KCNF1: variants seen among roughly 807,000 people sequenced by gnomAD.
The protein encoded by KCNF1 is potassium voltage-gated channel modifier subfamily F member 1.
In KCNF1, 9 loss-of-function variants were observed where a neutral mutation model predicts 28.6. The observed-to-expected ratio is 0.31, with a 90% confidence interval of 0.19 to 0.55. The LOEUF (loss-of-function observed/expected upper bound fraction) is 0.55. Among genes scored for constraint, KCNF1 ranks in the 20% least tolerant of loss-of-function variants. The probability of loss-of-function intolerance (pLI) is 0.93; values close to 1 mark genes in which losing one functional copy is unlikely to be tolerated. For missense variants in KCNF1, 461 were observed against 684.2 expected, an observed-to-expected ratio of 0.67 and a Z score of 3.64; for synonymous variants, 328 against 299.6, an observed-to-expected ratio of 1.09 and a Z score of -0.98.
Position 10,913,848 on chromosome 2 carries a change from CA to C in KCNF1, c.1423del (p.Thr475ProfsTer6). The part of the protein sequence containing the change: ...SSRLKLSHSD[T>X]FIPLLTEEKH... ...GCCGGCTGAAGCTCTCCCACAGCGA[CA>C]CCTTCATCCCCCTCCTGACCGAGGA... On this transcript the variant is annotated frameshift_variant, in exon 1 of 1. Transcript: ENST00000295082. LOFTEE classifies it high-confidence loss of function. This position sits in a 1 kb window ranked among gnomAD's most constrained non-coding sequence, Gnocchi z 5.5. The C allele has an allele frequency of 6.5e-7, 1 of 1,542,094 alleles. No homozygotes were observed. Among genetic ancestry groups the C allele is most frequent in the Non-Finnish European group, 8.7e-7 (1 of 1,145,494 alleles).
At position 10,913,557 on chromosome 2, in the gene KCNF1, C is replaced by T. The variant is rs1300948024; in HGVS notation, c.1131C>T (p.Tyr377=). The T allele has an allele frequency of 6.2e-7, 1 of 1,613,848 alleles. No individual in the cohort carries two copies. Among genetic ancestry groups the T allele is most frequent in the Non-Finnish European group, 8.5e-7 (1 of 1,180,032 alleles). ...TMTTVGYGDI[Y]PKTTLGKLNA... is the part of the protein sequence containing the mutation. ...CCACCGTCGGCTACGGCGACATCTACCCCAAGACCACGCTGGGCAAGCTCA... is the reference window on the plus strand; with the variant it reads ...CCACCGTCGGCTACGGCGACATCTATCCCAAGACCACGCTGGGCAAGCTCA... Residue 377 remains tyrosine (Y), a synonymous_variant, in exon 1 of 1, where the codon TAC becomes TAT. Coordinates refer to ENST00000295082, the MANE Select transcript of KCNF1 (RefSeq NM_002236.5). This position sits in a 1 kb window ranked among gnomAD's most constrained non-coding sequence, Gnocchi z 5.5.
rs916566501 is a variant in KCNF1, at chr2:10,914,181, C to G, written c.*270C>G. 4.9e-6 allele frequency: 2 copies of G among 408,444 alleles called. No homozygotes were observed. The highest frequency in any genetic ancestry group is 9.0e-6 in the Non-Finnish European group (2 of 222,326). The allele number at this position is 408,444 out of a possible 1,614,324, so 25.3% of individuals were successfully genotyped here. A position where few individuals can be genotyped will look rare whatever the true frequency, so the allele number is the denominator to read the frequency against. On this transcript the variant is annotated 3_prime_UTR_variant, in exon 1 of 1. Coordinates refer to ENST00000295082, the MANE Select transcript of KCNF1 (RefSeq NM_002236.5). Reference sequence around the variant, plus strand: ...GCGGCCTGGCTGGCACGAGAGCCCACGCCCGCTTCTGTATCTCCCTCAATA... The same window carrying G: ...GCGGCCTGGCTGGCACGAGAGCCCAGGCCCGCTTCTGTATCTCCCTCAATA...
rs1320993804 is a variant in KCNF1, at chr2:10,912,467, G to T, written c.41G>T (p.Ser14Ile). The T allele has an allele frequency of 1.3e-6, 2 of 1,491,306 alleles. No individual in the cohort carries two copies. Among genetic ancestry groups the T allele is most frequent in the African/African-American group, 2.8e-5 (2 of 71,234 alleles). 92.4% of individuals were successfully genotyped at this position (1,491,306 alleles called of 1,614,324 possible). Residue 14 changes from serine to isoleucine, a missense_variant, in exon 1 of 1, where the codon AGC becomes ATC. Coordinates refer to ENST00000295082, the MANE Select transcript of KCNF1 (RefSeq NM_002236.5). This position sits in a 1 kb window ranked among gnomAD's most constrained non-coding sequence, Gnocchi z 7.9. ...GAGCGCAGCCTCCCGGAGCCGGGCA[G>T]CCAGAGCTCCGCTGCCAGCGACGAC... Reference protein sequence around the residue: ...SGERSLPEPGSQSSAASDDIE... With the variant: ...SGERSLPEPGIQSSAASDDIE...
Position 10,913,075 on chromosome 2 carries a change from G to C in KCNF1, c.649G>C (p.Val217Leu). The C allele has an allele frequency of 6.2e-7, 1 of 1,607,038 alleles. No individual in the cohort carries two copies. The highest frequency in any genetic ancestry group is 8.5e-7 in the Non-Finnish European group (1 of 1,180,002). The change falls in exon 1 of 1, where the codon GTG becomes CTG. Residue 217 changes from valine (V) to leucine (L), a missense_variant. By Grantham distance (32) the Val-to-Leu change is conservative. This residue lies in a region of KCNF1 where 193 missense variants were observed against 280.6 expected (regional missense o/e 0.69). Transcript: ENST00000295082. The surrounding 1 kb of genome is among the most constrained non-coding windows in gnomAD (Gnocchi z 5.5). ...LQVLDAEGNRVEHPTLENVET... is the reference protein window; with the variant it reads ...LQVLDAEGNRLEHPTLENVET... ...GGTGCTGGACGCCGAGGGCAACCGC[G>C]TGGAGCACCCGACGCTGGAGAACGT...
chr2:10,913,950 A>G lies in KCNF1; in HGVS notation c.*39A>G, dbSNP rs755995918. On this transcript the variant is annotated 3_prime_UTR_variant, in exon 1 of 1. Coordinates refer to ENST00000295082, the MANE Select transcript of KCNF1 (RefSeq NM_002236.5). The surrounding 1 kb of genome is among the most constrained non-coding windows in gnomAD (Gnocchi z 5.5). ...CAGGCAGAGATGGACCAGGCGGTGG[A>G]CAGATGGGTAGATGTGGCAGGCATG... 42 of 1,515,962 alleles carry G rather than the reference A, an allele frequency of 2.8e-5. No homozygotes were observed. Among genetic ancestry groups the G allele is most frequent in the Non-Finnish European group, 3.4e-5 (39 of 1,134,044 alleles). 93.9% of individuals were successfully genotyped at this position (1,515,962 alleles called of 1,614,324 possible).
In KCNF1 at chr2:10,913,005, C is replaced by T. The variant is rs778168330; in HGVS notation, c.579C>T (p.Leu193=). The change falls in exon 1 of 1, where the codon CTC becomes CTT. Residue 193 remains leucine (L), a synonymous_variant. Coordinates refer to ENST00000295082, the MANE Select transcript of KCNF1 (RefSeq NM_002236.5). This position sits in a 1 kb window ranked among gnomAD's most constrained non-coding sequence, Gnocchi z 5.5. ...VVAVLSFLLI[L]VSSVVMCMGT... is the part of the protein sequence containing the mutation. ...CCGTGCTCTCCTTCCTGCTCATCCT[C>T]GTCTCGTCCGTGGTCATGTGCATGG... 8.7e-6 allele frequency: 14 copies of T among 1,602,866 alleles called. No individual in the cohort carries two copies. The highest frequency in any genetic ancestry group is 6.6e-5 in the South Asian group (6 of 91,070).
rs147760531 is a variant in KCNF1, at chr2:10,912,504, C to A, written c.78C>A (p.Val26=). 159 of 1,591,010 alleles carry A rather than the reference C, an allele frequency of 1.0e-4. 1 individual carries two copies. The African/African-American group carries it at 1.8e-3, about 18-fold the overall frequency. ...CTGCCAGCGACGACATAGAGATAGT[C>A]GTCAACGTGGGGGGCGTGCGGCAGG... ...SSAASDDIEI[V]VNVGGVRQVL... The change falls in exon 1 of 1, where the codon GTC becomes GTA. Residue 26 remains valine, a synonymous_variant. Transcript: ENST00000295082. The surrounding 1 kb of genome is among the most constrained non-coding windows in gnomAD (Gnocchi z 7.9).
chr2:10,914,211 C>G lies in KCNF1; in HGVS notation c.*300C>G, dbSNP rs752795342. On this transcript the variant is annotated 3_prime_UTR_variant, in exon 1 of 1. Coordinates refer to ENST00000295082, the MANE Select transcript of KCNF1 (RefSeq NM_002236.5). ...GCTTCTGTATCTCCCTCAATAAAGC[C>G]TCCTGCTCTGTGCACCCTCCGTGTT... The G allele has an allele frequency of 3.1e-6, 1 of 326,418 alleles. No homozygotes were observed. Among genetic ancestry groups the G allele is most frequent in the Non-Finnish European group, 5.8e-6 (1 of 173,468 alleles). The allele number at this position is 326,418 out of a possible 1,614,324, so 20.2% of individuals were successfully genotyped here.
In KCNF1 at chr2:10,913,061, C is replaced by T. The variant is rs949015594; in HGVS notation, c.635C>T (p.Ala212Val). 1.9e-6 allele frequency: 3 copies of T among 1,605,320 alleles called. No individual in the cohort carries two copies. Among genetic ancestry groups the T allele is most frequent in the Non-Finnish European group, 2.5e-6 (3 of 1,179,974 alleles). The change falls in exon 1 of 1, where the codon GCC becomes GTC. Residue 212 changes from alanine to valine, a missense_variant. Physicochemically the swap from Ala to Val is moderately conservative, Grantham distance 64. Transcript: ENST00000295082. This position sits in a 1 kb window ranked among gnomAD's most constrained non-coding sequence, Gnocchi z 5.5. ...ATCCCCGAGCTGCAGGTGCTGGACG[C>T]CGAGGGCAACCGCGTGGAGCACCCG... ...GTIPELQVLD[A>V]EGNRVEHPTL...
rs1298801691 is a variant in KCNF1, at chr2:10,912,706, T to C, written c.280T>C (p.Tyr94His). 6.2e-7 allele frequency: 1 copy of C among 1,614,130 alleles called. No individual in the cohort carries two copies. The highest frequency in any genetic ancestry group is 1.7e-5 in the Admixed American group (1 of 60,032). ...DAFKCVIEVY[Y>H]FGEVHMKKGI... ...CTTCAAGTGTGTCATCGAGGTGTAC[T>C]ATTTCGGGGAGGTCCACATGAAGAA... The change falls in exon 1 of 1, where the codon TAT becomes CAT. Residue 94 changes from tyrosine to histidine, a missense_variant. Physicochemically the swap from Tyr to His is moderately conservative, Grantham distance 83. Transcript: ENST00000295082. The surrounding 1 kb of genome is among the most constrained non-coding windows in gnomAD (Gnocchi z 7.9).
In KCNF1 at chr2:10,913,588, G is replaced by T; in HGVS notation, c.1162G>T (p.Ala388Ser). ...GACCACGCTGGGCAAGCTCAACGCG[G>T]CCATCAGCTTCTTGTGTGGTGTCAT... ...PKTTLGKLNAAISFLCGVIAI... is the reference protein window; with the variant it reads ...PKTTLGKLNASISFLCGVIAI... Residue 388 changes from alanine to serine, a missense_variant, in exon 1 of 1, where the codon GCC becomes TCC. Coordinates refer to ENST00000295082, the MANE Select transcript of KCNF1 (RefSeq NM_002236.5). This position sits in a 1 kb window ranked among gnomAD's most constrained non-coding sequence, Gnocchi z 5.5. 3 of 1,613,422 alleles carry T rather than the reference G, an allele frequency of 1.9e-6. No individual in the cohort carries two copies. The highest frequency in any genetic ancestry group is 2.5e-6 in the Non-Finnish European group (3 of 1,179,946).
Position 10,912,253 on chromosome 2 carries a change from C to T in KCNF1, c.-174C>T. ...CGCCGCCGGGTGCATGCCTCCCCCG[C>T]GGCGCGCCCCCGCAGGCTGCTGCCC... On this transcript the variant is annotated 5_prime_UTR_variant, in exon 1 of 1. Coordinates refer to ENST00000295082, the MANE Select transcript of KCNF1 (RefSeq NM_002236.5). This position sits in a 1 kb window ranked among gnomAD's most constrained non-coding sequence, Gnocchi z 7.9. The T allele has an allele frequency of 3.7e-6, 1 of 268,442 alleles. No individual in the cohort carries two copies. Among genetic ancestry groups the T allele is most frequent in the Non-Finnish European group, 6.0e-6 (1 of 166,246 alleles). 16.6% of individuals were successfully genotyped at this position (268,442 alleles called of 1,614,324 possible). A position where few individuals can be genotyped will look rare whatever the true frequency, so the allele number is the denominator to read the frequency against.
rs763151198 is a variant in KCNF1 at position 10,912,900 on chromosome 2, G to A, written c.474G>A (p.Glu158=). 17 of 1,611,486 alleles carry A rather than the reference G, an allele frequency of 1.1e-5. No homozygotes were observed. The highest frequency in any genetic ancestry group is 3.3e-4 in the Middle Eastern group (2 of 6,040). The stretch of plus-strand genomic sequence containing the variant: ...ACGACCTGGGCGTGGACGCAGCCGA[G>A]GGCCGCTGGCGCCGCTGCCAGAAGT... The part of the protein sequence containing the change: ...ILDDLGVDAA[E]GRWRRCQKCV... Residue 158 remains glutamate, a synonymous_variant, in exon 1 of 1, where the codon GAG becomes GAA. Coordinates refer to ENST00000295082, the MANE Select transcript of KCNF1 (RefSeq NM_002236.5). The surrounding 1 kb of genome is among the most constrained non-coding windows in gnomAD (Gnocchi z 7.9).
At position 10,912,325 on chromosome 2, in the gene KCNF1, C is replaced by G. The variant is rs1305307870; in HGVS notation, c.-102C>G. ...AGGCGGGCGCCGGCCAGGCTCTCCCCGAGATCAGCGCACGGGTGGCACCCG... is the reference window on the plus strand; with the variant it reads ...AGGCGGGCGCCGGCCAGGCTCTCCCGGAGATCAGCGCACGGGTGGCACCCG... On this transcript the variant is annotated 5_prime_UTR_variant, in exon 1 of 1. Coordinates refer to ENST00000295082, the MANE Select transcript of KCNF1 (RefSeq NM_002236.5). This position sits in a 1 kb window ranked among gnomAD's most constrained non-coding sequence, Gnocchi z 7.9. 6.2e-6 allele frequency: 6 copies of G among 975,338 alleles called. No individual in the cohort carries two copies. The highest frequency in any genetic ancestry group is 1.7e-5 in the African/African-American group (1 of 58,352). 60.4% of individuals were successfully genotyped at this position (975,338 alleles called of 1,614,324 possible). A position where few individuals can be genotyped will look rare whatever the true frequency, so the allele number is the denominator to read the frequency against.
Position 10,913,549 on chromosome 2 carries a change from G to T in KCNF1, c.1123G>T (p.Asp375Tyr). The T allele has an allele frequency of 6.2e-7, 1 of 1,613,756 alleles. No homozygotes were observed. Among genetic ancestry groups the T allele is most frequent in the Non-Finnish European group, 8.5e-7 (1 of 1,180,028 alleles). ...CACCATGACCACCGTCGGCTACGGC[G>T]ACATCTACCCCAAGACCACGCTGGG... is the stretch of plus-strand genomic sequence containing the variant. The part of the protein sequence containing the change: ...IITMTTVGYG[D>Y]IYPKTTLGKL... The change falls in exon 1 of 1, where the codon GAC (aspartate) becomes TAC (tyrosine). Residue 375 changes from aspartate to tyrosine, a missense_variant. Physicochemically the swap from Asp to Tyr is radical, Grantham distance 160. Coordinates refer to ENST00000295082, the MANE Select transcript of KCNF1 (RefSeq NM_002236.5). The surrounding 1 kb of genome is among the most constrained non-coding windows in gnomAD (Gnocchi z 5.5).
rs1558489865 is a variant in KCNF1, at chr2:10,913,685, A to G, written c.1259A>G (p.Glu420Gly). 6.2e-7 allele frequency: 1 copy of G among 1,613,920 alleles called. No homozygotes were observed. The highest frequency in any genetic ancestry group is 2.2e-5 in the East Asian group (1 of 44,882). ...VRYYNKQRVL[E>G]TAAKHELELM... ...TACTACAACAAGCAGCGCGTCCTGG[A>G]GACCGCGGCCAAGCACGAGCTGGAG... Residue 420 changes from glutamate to glycine, a missense_variant, in exon 1 of 1, where the codon GAG becomes GGG. By Grantham distance (98) the Glu-to-Gly change is moderately conservative. Around this residue, in one of 4 missense-constraint regions of KCNF1, gnomAD observed 101 missense variants for 102.2 expected, o/e 0.99. Coordinates refer to ENST00000295082, the MANE Select transcript of KCNF1 (RefSeq NM_002236.5). This position sits in a 1 kb window ranked among gnomAD's most constrained non-coding sequence, Gnocchi z 5.5.
In KCNF1 at chr2:10,912,707, A is replaced by C. The variant is rs1309422095; in HGVS notation, c.281A>C (p.Tyr94Ser). The C allele has an allele frequency of 1.2e-6, 2 of 1,614,074 alleles. No homozygotes were observed. The change falls in exon 1 of 1, where the codon TAT (tyrosine) becomes TCT (serine). Residue 94 changes from tyrosine (Y) to serine (S), a missense_variant. Coordinates refer to ENST00000295082, the MANE Select transcript of KCNF1 (RefSeq NM_002236.5). This position sits in a 1 kb window ranked among gnomAD's most constrained non-coding sequence, Gnocchi z 7.9. Reference sequence around the variant, plus strand: ...TTCAAGTGTGTCATCGAGGTGTACTATTTCGGGGAGGTCCACATGAAGAAG... The same window carrying C: ...TTCAAGTGTGTCATCGAGGTGTACTCTTTCGGGGAGGTCCACATGAAGAAG... ...DAFKCVIEVY[Y>S]FGEVHMKKGI... is the part of the protein sequence containing the mutation.
chr2:10,913,641 C>T lies in KCNF1; in HGVS notation c.1215C>T (p.Ile405=). The part of the protein sequence containing the change: ...VIAIALPIHP[I]INNFVRYYNK... ...CCATCGCCCTGCCCATCCACCCCATCATCAACAACTTTGTCAGGTACTACA... is the reference window on the plus strand; with the variant it reads ...CCATCGCCCTGCCCATCCACCCCATTATCAACAACTTTGTCAGGTACTACA... Residue 405 remains isoleucine, a synonymous_variant, in exon 1 of 1, where the codon ATC becomes ATT. Transcript: ENST00000295082. The surrounding 1 kb of genome is among the most constrained non-coding windows in gnomAD (Gnocchi z 5.5). The T allele has an allele frequency of 6.2e-7, 1 of 1,613,482 alleles. No homozygotes were observed. Among genetic ancestry groups the T allele is most frequent in the Non-Finnish European group, 8.5e-7 (1 of 1,180,016 alleles).
Position 10,912,864 on chromosome 2 carries a change from G to A in KCNF1, c.438G>A (p.Gln146=). ...TGGAGGAGATCGCGCGCCGCGTGCA[G>A]CTCATCCTGGACGACCTGGGCGTGG... ...EELEEIARRV[Q]LILDDLGVDA... The change falls in exon 1 of 1, where the codon CAG becomes CAA. Residue 146 remains glutamine (Q), a synonymous_variant. Coordinates refer to ENST00000295082, the MANE Select transcript of KCNF1 (RefSeq NM_002236.5). This position sits in a 1 kb window ranked among gnomAD's most constrained non-coding sequence, Gnocchi z 7.9. The A allele has an allele frequency of 3.1e-6, 5 of 1,613,424 alleles. No individual in the cohort carries two copies. The highest frequency in any genetic ancestry group is 4.2e-6 in the Non-Finnish European group (5 of 1,179,890).
Sources: gnomAD v4.1 joint callset for allele counts on GRCh38, gnomAD v4.1.1 for gene constraint, gnomAD v4.1.1 regional missense constraint, Gnocchi (gnomAD v3.1) non-coding constraint, MANE v1.5 for transcripts, NCBI Gene and HGNC (gene_info 2026-07-23, HGNC 2026-07-21) for gene names.